Variants in ARHGAP22 observed in about 807,000 individuals in gnomAD.
ARHGAP22 encodes the protein Rho GTPase activating protein 22.
ARHGAP22 carries 48 observed loss-of-function variants against 59.1 expected under a neutral mutation model. That is an observed-to-expected ratio of 0.81 (90% CI 0.64 to 1.03). The LOEUF (loss-of-function observed/expected upper bound fraction) is 1.03. ARHGAP22 is among the 50% of genes least tolerant of loss of function. The pLI is 0.00. For missense variants in ARHGAP22, 1,015 were observed against 958.7 expected (o/e 1.06, Z -0.78); for synonymous variants, 445 against 416.4 (o/e 1.07, Z -0.84).
chr10:48,447,274 C>A (rs978872642), intron 9 of ARHGAP22, among the ~76,000 whole-genome samples: 1 of 152,206 alleles, frequency 6.6e-6, no homozygotes, highest in Admixed American at 6.5e-5. Context: ...TCTTTTTGAC[C>A]AGACAACCAG....
At chr10:48,592,177 C>T (rs189397423) in intron 1 of ARHGAP22, among the ~76,000 whole-genome samples, 5 of 152,300 alleles carry the variant, frequency 3.3e-5, no homozygotes, top group Admixed American at 2.0e-4. Context: ...CCAATTCCTG[C>T]CTTGTTTTCT....
intron 4 of ARHGAP22, among the ~76,000 whole-genome samples, chr10:48,478,143 G>C (rs1257419716): frequency 6.6e-6 from 1 of 152,118 alleles, no homozygotes; most frequent in Non-Finnish European, 1.5e-5. Context: ...GCTCTATTCT[G>C]TTCCACTGGT....
At chr10:48,655,043 T>C (rs540066120), upstream of ARHGAP22, among the ~76,000 whole-genome samples, 1 of 65,500 alleles carries the variant, frequency 1.5e-5, no homozygotes, top group Non-Finnish European at 3.1e-5. Context: ...TCTTTCTTTC[T>C]TTCTTTCTTT....
At chr10:48,635,087 T>C (rs927783232) in intron 1 of ARHGAP22, among the ~76,000 whole-genome samples, 6 of 152,120 alleles carry the variant, frequency 3.9e-5, no homozygotes, top group African/African-American at 1.4e-4. Flanking sequence ...CTCATGTACC[T>C]GCCCTCCCTC....
rs915678614 is a variant in ARHGAP22, at chr10:48,450,129, G to C, written c.1868+132C>G. ...AGTCCTAGGGCTTTCCCAGAGCTAG[G>C]ATTCCCCTCTCTGAGGCTGGCTTCC... On this transcript the variant is annotated intron_variant, in intron 9 of 9. Transcript: ENST00000249601. 3.8e-6 allele frequency: 5 copies of C among 1,312,704 alleles called. No individual in the cohort carries two copies. The African/African-American group carries it at 7.5e-5, about 20-fold the overall frequency. 81.3% of individuals were successfully genotyped at this position (1,312,704 alleles called of 1,614,324 possible).
At chr10:48,470,839 A>G (rs1343458480) in intron 4 of ARHGAP22, among the ~76,000 whole-genome samples, 1 of 152,208 alleles carries the variant, frequency 6.6e-6, no homozygotes, top group African/African-American at 2.4e-5. Flanking sequence ...ATCTCCCAGG[A>G]GGGCTGGGAT....
rs893973534 is a variant in ARHGAP22, at chr10:48,450,648, T to C, written c.1481A>G (p.Asn494Ser). The C allele has an allele frequency of 1.3e-6, 2 of 1,549,922 alleles. No individual in the cohort carries two copies. Among genetic ancestry groups the C allele is most frequent in the Non-Finnish European group, 1.7e-6 (2 of 1,146,930 alleles). ...GSVQRLSTYD[N>S]VPAPGLVPGI... is the part of the protein sequence containing the mutation. Reference sequence around the variant, plus strand: ...GGGGACCAGGCCCGGCGCGGGCACATTGTCGTAGGTGGAGAGTCTCTGCAC... The same window carrying C: ...GGGGACCAGGCCCGGCGCGGGCACACTGTCGTAGGTGGAGAGTCTCTGCAC... Residue 494 changes from asparagine (N) to serine (S), a missense_variant, in exon 9 of 10, where the codon AAT (asparagine) becomes AGT (serine). Coordinates refer to ENST00000249601, the MANE Select transcript of ARHGAP22 (RefSeq NM_021226.4).
intron 8 of ARHGAP22, among the ~76,000 whole-genome samples, chr10:48,452,232 G>A (rs917677237): frequency 3.9e-5 from 6 of 152,170 alleles, no homozygotes; most frequent in African/African-American, 1.4e-4. Context: ...ATTCCCTCCT[G>A]CCACCCTCAC....
At position 48,459,769 on chromosome 10, in the gene ARHGAP22, C is replaced by A; in HGVS notation, c.574G>T (p.Gly192Trp). The A allele has an allele frequency of 1.2e-6, 2 of 1,614,034 alleles. No individual in the cohort carries two copies. Among genetic ancestry groups the A allele is most frequent in the Non-Finnish European group, 1.7e-6 (2 of 1,180,032 alleles). Reference sequence around the variant, plus strand: ...GCCTGGCCTGGCATGCGGAACAGCCCCTCCTCAGTGAGCCCGCGCTCCCGG... The same window carrying A: ...GCCTGGCCTGGCATGCGGAACAGCCACTCCTCAGTGAGCCCGCGCTCCCGG... ...FIRERGLTEE[G>W]LFRMPGQANL... Residue 192 changes from glycine to tryptophan, a missense_variant, in exon 5 of 10, where the codon GGG becomes TGG. By Grantham distance (184) the Gly-to-Trp change is radical. Transcript: ENST00000249601.
chr10:48,441,336 G>T (rs566746740), downstream of ARHGAP22, among the ~76,000 whole-genome samples: 25 of 152,202 alleles, frequency 1.6e-4, no homozygotes, highest in African/African-American at 6.0e-4. Flanking sequence ...GAAGCAGGTA[G>T]TGAAAAGGAC....
chr10:48,450,284 A>T lies in ARHGAP22; in HGVS notation c.1845T>A (p.Thr615=), dbSNP rs1258103257. 1 of 1,610,044 alleles carries T rather than the reference A, an allele frequency of 6.2e-7. No individual in the cohort carries two copies. Among genetic ancestry groups the T allele is most frequent in the Non-Finnish European group, 8.5e-7 (1 of 1,178,750 alleles). Residue 615 remains threonine (T), a synonymous_variant, in exon 9 of 10, where the codon ACT becomes ACA. Transcript: ENST00000249601. ...ACCTTTTCACACTCCTCTCGTACTC[A>T]GTCCGCTGGCGGCACAGCTCGGCCC... is the stretch of plus-strand genomic sequence containing the variant. ...ELRAELCRQR[T]EYERSVKRIE... is the part of the protein sequence containing the mutation.
intron 3 of ARHGAP22, among the ~76,000 whole-genome samples, chr10:48,543,391 C>G (rs1190150494): frequency 3.3e-5 from 5 of 152,190 alleles, no homozygotes; most frequent in African/African-American, 4.8e-5. Flanking sequence ...ACCCTGAGCA[C>G]AGCCTCAGGG....
intron 1 of ARHGAP22, among the ~76,000 whole-genome samples, chr10:48,647,142 C>A (rs912843117): frequency 6.6e-6 from 1 of 152,032 alleles, no homozygotes. Context: ...ACTTGTAATC[C>A]CAACACTTTC....
chr10:48,651,459 C>T (rs544198173), intron 1 of ARHGAP22, among the ~76,000 whole-genome samples: 3 of 151,598 alleles, frequency 2.0e-5, no homozygotes, highest in Admixed American at 6.6e-5. Context: ...TCAGCACCTG[C>T]ACAACAAGCC....
intron 3 of ARHGAP22, among the ~76,000 whole-genome samples, chr10:48,482,161 T>C (rs964406512): frequency 1.3e-5 from 2 of 152,238 alleles, no homozygotes; most frequent in African/African-American, 4.8e-5. Context: ...GCTTCCTGCA[T>C]TGTATCTAAG....
At chr10:48,571,071 C>A (rs1009275283) in intron 2 of ARHGAP22, among the ~76,000 whole-genome samples, 2 of 152,320 alleles carry the variant, frequency 1.3e-5, no homozygotes, top group Middle Eastern at 3.4e-3. Flanking sequence ...TATAAGGTCT[C>A]GGATGAACTT....
At chr10:48,588,326 T>C (rs1212168331) in intron 1 of ARHGAP22, among the ~76,000 whole-genome samples, 1 of 152,198 alleles carries the variant, frequency 6.6e-6, no homozygotes, top group East Asian at 1.9e-4. Flanking sequence ...TTCCTGCAGA[T>C]GCTACTGAAG....
intron 1 of ARHGAP22, among the ~76,000 whole-genome samples, chr10:48,640,947 A>G (rs1037473278): frequency 3.3e-5 from 5 of 152,208 alleles, no homozygotes; most frequent in African/African-American, 1.2e-4. Context: ...GTTATATATG[A>G]TAAGCCCAAA....
chr10:48,493,521 G>A (rs2050622450), intron 3 of ARHGAP22: 9 of 1,534,396 alleles, frequency 5.9e-6, no homozygotes, highest in Admixed American at 3.9e-5. Context: ...GCAGTGAGAG[G>A]AGCAGTGGCC....
Sources: allele counts gnomAD v4.1 joint callset (sites outside exome capture counted in the v4.1 genomes callset), GRCh38; gene constraint gnomAD v4.1.1; transcripts MANE v1.5; gene names NCBI Gene and HGNC (gene_info 2026-07-23, HGNC 2026-07-21).